The following FHOD3 variants were observed in gnomAD, a reference collection of about 807,000 sequenced individuals.
FHOD3 encodes the protein FH1/FH2 domain-containing protein 3.
In FHOD3, 90 loss-of-function variants were observed where a neutral mutation model predicts 173.0. The ratio of observed to expected loss-of-function variants is 0.52; its 90% confidence interval spans 0.44 to 0.62. The LOEUF is 0.62. Among genes scored for constraint, FHOD3 ranks in the 20% least tolerant of loss-of-function variants. The pLI is 0.00. For synonymous variants in FHOD3, 828 were observed against 823.0 expected (o/e 1.01, Z -0.10); for missense variants, 1,945 against 2,034.7 (o/e 0.96, Z 0.85).
rs1232486078 is a variant in FHOD3 at position 36,611,973 on chromosome 18, C to A, written c.835C>A (p.Gln279Lys). The A allele has an allele frequency of 6.2e-7, 1 of 1,613,994 alleles. No individual in the cohort carries two copies. The highest frequency in any genetic ancestry group is 1.3e-5 in the African/African-American group (1 of 75,010). The stretch of plus-strand genomic sequence containing the variant: ...CCAGACGTTATCAGGACTACCAGAC[C>A]AAGACACCTTCTACGACGTCGTGGA... ...VNKTLSGLPDQDTFYDVVDCL... is the reference protein window; with the variant it reads ...VNKTLSGLPDKDTFYDVVDCL... The change falls in exon 9 of 29, where the codon CAA (glutamine) becomes AAA (lysine). Residue 279 changes from glutamine to lysine, a missense_variant. By Grantham distance (53) the Gln-to-Lys change is moderately conservative. Around this residue, in one of 5 missense-constraint regions of FHOD3, gnomAD observed 1,099 missense variants for 1,051.2 expected, o/e 1.05. Transcript: ENST00000590592.
At chr18:36,542,146 C>T (rs965367915) in intron 5 of FHOD3, among the ~76,000 whole-genome samples, 4 of 152,148 alleles carry the variant, frequency 2.6e-5, no homozygotes, top group African/African-American at 9.7e-5. Flanking sequence ...TTAATGTGTT[C>T]CTTACAGCTC....
intron 9 of FHOD3, among the ~76,000 whole-genome samples, chr18:36,620,750 A>G (rs1464273102): frequency 6.6e-6 from 1 of 152,262 alleles, no homozygotes; most frequent in Non-Finnish European, 1.5e-5. Flanking sequence ...TAATAACTCA[A>G]GCTGTGACAA....
intron 1 of FHOD3, among the ~76,000 whole-genome samples, chr18:36,322,600 C>A (rs2044455316): frequency 6.6e-6 from 1 of 152,066 alleles, no homozygotes; most frequent in South Asian, 2.1e-4. Context: ...GCTGCAAGAT[C>A]CAGCCAGTCA....
chr18:36,766,738 C>T (rs1388268795), intron 27 of FHOD3, among the ~76,000 whole-genome samples: 1 of 152,170 alleles, frequency 6.6e-6, no homozygotes, highest in African/African-American at 2.4e-5. Flanking sequence ...CATCTCCTGA[C>T]ACATTACATT....
chr18:36,408,019 G>C (rs1370914412), intron 3 of FHOD3, among the ~76,000 whole-genome samples: 1 of 152,172 alleles, frequency 6.6e-6, no homozygotes, highest in Non-Finnish European at 1.5e-5. Context: ...GCTCAGGAGC[G>C]TGTGGCCTTG....
At chr18:36,728,820 G>A (rs2041205369) in intron 19 of FHOD3, among the ~76,000 whole-genome samples, 1 of 152,170 alleles carries the variant, frequency 6.6e-6, no homozygotes, top group African/African-American at 2.4e-5. Flanking sequence ...AGAGAACAAG[G>A]TGAGGCCTCA....
intron 14 of FHOD3, among the ~76,000 whole-genome samples, chr18:36,677,670 A>G (rs1396138127): frequency 6.6e-6 from 1 of 152,178 alleles, no homozygotes; most frequent in African/African-American, 2.4e-5. Flanking sequence ...TGGGCTTCAT[A>G]TTGAATGTGG....
At chr18:36,703,107 G>A (rs956771989) in intron 17 of FHOD3, among the ~76,000 whole-genome samples, 2 of 152,120 alleles carry the variant, frequency 1.3e-5, no homozygotes, top group African/African-American at 2.4e-5. Context: ...AGAGACTAGC[G>A]GTCGTGGGAC....
At chr18:36,412,851 A>G (rs2049428827) in intron 3 of FHOD3, among the ~76,000 whole-genome samples, 1 of 152,220 alleles carries the variant, frequency 6.6e-6, no homozygotes, top group South Asian at 2.1e-4. Context: ...TCCTAGCAGC[A>G]TGTTGCAGTG....
intron 18 of FHOD3, among the ~76,000 whole-genome samples, chr18:36,716,914 ATGTGTG>A (rs57041859): frequency 4.4e-3 from 596 of 136,906 alleles, no homozygotes; most frequent in Non-Finnish European, 6.1e-3. Flanking sequence ...ATATATGTGT[ATGTGTG>A]TGTGTGTGTG....
At chr18:36,390,405 A>G (rs1363934538) in intron 3 of FHOD3, among the ~76,000 whole-genome samples, 1 of 152,150 alleles carries the variant, frequency 6.6e-6, no homozygotes, top group Non-Finnish European at 1.5e-5. Flanking sequence ...CTAAAATAAA[A>G]TGTGACTCTG....
intron 6 of FHOD3, among the ~76,000 whole-genome samples, chr18:36,586,141 A>G (rs2059019190): frequency 6.6e-6 from 1 of 152,114 alleles, no homozygotes; most frequent in Non-Finnish European, 1.5e-5. Flanking sequence ...TTTCACCTTT[A>G]TTGTTACTCA....
At chr18:36,359,497 G>T (rs1219371784) in intron 2 of FHOD3, among the ~76,000 whole-genome samples, 1 of 152,158 alleles carries the variant, frequency 6.6e-6, no homozygotes, top group East Asian at 1.9e-4. Context: ...CAGCCTACAG[G>T]TTATTTTTCC....
At chr18:36,329,429 A>G (rs1353740399) in intron 1 of FHOD3, among the ~76,000 whole-genome samples, 2 of 152,212 alleles carry the variant, frequency 1.3e-5, no homozygotes, top group Non-Finnish European at 2.9e-5. Context: ...ACCCAACAGT[A>G]TGTAATGGCA....
intron 4 of FHOD3, among the ~76,000 whole-genome samples, chr18:36,511,240 T>C (rs2055623140): frequency 6.6e-6 from 1 of 152,152 alleles, no homozygotes; most frequent in African/African-American, 2.4e-5. Flanking sequence ...CACTGTCCAA[T>C]TGAGGAAATC....
chr18:36,440,694 T>C (rs976437115), intron 3 of FHOD3, among the ~76,000 whole-genome samples: 3 of 152,246 alleles, frequency 2.0e-5, no homozygotes, highest in Non-Finnish European at 1.5e-5. Context: ...AGCACCTTTA[T>C]GGTAGAAAAA....
chr18:36,377,757 T>C (rs547409943), intron 3 of FHOD3, among the ~76,000 whole-genome samples: 44 of 152,164 alleles, frequency 2.9e-4, no homozygotes, highest in Non-Finnish European at 5.4e-4. Context: ...CACTGTATGC[T>C]GCAGAAAGGG....
intron 3 of FHOD3, among the ~76,000 whole-genome samples, chr18:36,396,689 G>C (rs1338524731): frequency 1.3e-5 from 2 of 152,094 alleles, no homozygotes; most frequent in East Asian, 1.9e-4. Context: ...TACAATTTAG[G>C]TGTGATTTTA....
chr18:36,382,052 G>A (rs920944640), intron 3 of FHOD3, among the ~76,000 whole-genome samples: 12 of 152,144 alleles, frequency 7.9e-5, no homozygotes, highest in African/African-American at 1.9e-4. Context: ...GCCAGCCATC[G>A]CAGTGGGGCC....
Sources: allele counts gnomAD v4.1 joint callset (sites outside exome capture counted in the v4.1 genomes callset), GRCh38; gene constraint gnomAD v4.1.1; regional missense constraint gnomAD v4.1.1; transcripts MANE v1.5; gene names NCBI Gene and HGNC (gene_info 2026-07-23, HGNC 2026-07-21).